The following CPAMD8 variants were observed in gnomAD, a reference collection of about 807,000 sequenced individuals.
The protein encoded by CPAMD8 is C3 and PZP like alpha-2-macroglobulin domain containing 8.
Under a neutral mutation model 224.7 loss-of-function variants are expected in CPAMD8, and 146 were observed. The ratio of observed to expected loss-of-function variants is 0.65; its 90% CI spans 0.57 to 0.75. CPAMD8 has a LOEUF of 0.75. CPAMD8 is among the 30% of genes least tolerant of loss of function. CPAMD8 has a pLI of 0.00. For synonymous variants in CPAMD8, 966 were observed against 1,044.6 expected (o/e 0.92, Z 1.45); for missense variants, 2,301 against 2,537.5 (o/e 0.91, Z 2.00).
At chr19:17,006,395 C>T (rs542770067) in intron 7 of CPAMD8, among the ~76,000 whole-genome samples, 15 of 152,126 alleles carry the variant, frequency 9.9e-5, no homozygotes, top group African/African-American at 1.7e-4. Context: ...TGGTGGCACG[C>T]GCCTGTGGTC....
chr19:17,023,187 G>A (rs2057002224), intron 1 of CPAMD8, among the ~76,000 whole-genome samples: 1 of 152,120 alleles, frequency 6.6e-6, no homozygotes, highest in Admixed American at 6.6e-5. Flanking sequence ...TGACTATGAA[G>A]TCACCTCTGG....
intron 12 of CPAMD8, among the ~76,000 whole-genome samples, chr19:16,991,620 C>T (rs148021514): frequency 1.8e-4 from 27 of 152,108 alleles, no homozygotes; most frequent in South Asian, 6.2e-4. Context: ...TTTGGGAGGC[C>T]GAGGCAGGTG....
At position 16,896,448 on chromosome 19, in the gene CPAMD8, G is replaced by T; in HGVS notation, c.5275+8C>A. On this transcript the variant is annotated splice_region_variant and intron_variant, in intron 40 of 41. Coordinates refer to ENST00000443236, the MANE Select transcript of CPAMD8 (RefSeq NM_015692.5). ...TCCCCGAGGCTAGGCGGGGGGTAGG[G>T]TCCTCACCGAGGGCGCAGCAGCTGG... The T allele has an allele frequency of 6.9e-7, 1 of 1,455,354 alleles. No homozygotes were observed. 90.2% of individuals were successfully genotyped at this position (1,455,354 alleles called of 1,614,324 possible). A position where few individuals can be genotyped will look rare whatever the true frequency, so the allele number is the denominator to read the frequency against.
At chr19:16,976,246 C>A (rs61382797) in intron 15 of CPAMD8, 95 bp from the exon 16 acceptor site, 4 of 992,608 alleles carry the variant, frequency 4.0e-6, no homozygotes, top group Non-Finnish European at 5.9e-6. Flanking sequence ...GAGGCCGAGG[C>A]GGGTGGATCA....
chr19:17,004,477 T>G, intron 7 of CPAMD8, 91 bp from the exon 8 acceptor site: 1 of 781,392 alleles, frequency 1.3e-6, no homozygotes, highest in Non-Finnish European at 2.2e-6. Context: ...CTCCTTCTCC[T>G]TCCCTGAGCA....
chr19:16,904,607 TC>T, intron 30 of CPAMD8, 55 bp from the exon 31 acceptor site: 1 of 1,228,740 alleles, frequency 8.1e-7, no homozygotes, highest in Non-Finnish European at 1.2e-6. Context: ...TAGCCTGGCA[TC>T]CCATGGAGCG....
At chr19:17,007,384 AAAG>A (rs1227796577) in intron 7 of CPAMD8, among the ~76,000 whole-genome samples, 5 of 151,628 alleles carry the variant, frequency 3.3e-5, no homozygotes, top group East Asian at 3.9e-4. Flanking sequence ...GAAGAAGAAG[AAAG>A]AAGAAGGAGG....
At chr19:16,904,674 T>G (rs914958498) in intron 30 of CPAMD8, 122 bp from the exon 31 acceptor site, 3 of 719,240 alleles carry the variant, frequency 4.2e-6, no homozygotes, top group Non-Finnish European at 7.5e-6. Flanking sequence ...GGGAGAAGAG[T>G]ATCAGGGGAA....
chr19:16,955,652 T>C (rs2054445972), intron 19 of CPAMD8, among the ~76,000 whole-genome samples: 1 of 152,198 alleles, frequency 6.6e-6, no homozygotes. Context: ...TATTTCACCA[T>C]AATTTTTTAA....
intron 18 of CPAMD8, among the ~76,000 whole-genome samples, chr19:16,959,685 C>T (rs1022960516): frequency 2.0e-5 from 3 of 151,750 alleles, no homozygotes; most frequent in African/African-American, 4.8e-5. Flanking sequence ...GGATTACAGG[C>T]GTCCACCACC....
intron 30 of CPAMD8, among the ~76,000 whole-genome samples, chr19:16,905,564 G>GAAAA (rs2052441461): frequency 3.2e-4 from 15 of 46,354 alleles, no homozygotes; most frequent in African/African-American, 5.1e-4. Context: ...AAAAAAGGAA[G>GAAAA]AAAAGAAAAA....
chr19:16,974,843 C>T (rs1300077790), intron 17 of CPAMD8, among the ~76,000 whole-genome samples: 1 of 151,992 alleles, frequency 6.6e-6, no homozygotes, highest in African/African-American at 2.4e-5. Flanking sequence ...GGTGTGGTGG[C>T]ATGCACCTGT....
chr19:16,969,345 G>A (rs1437033443), intron 18 of CPAMD8, among the ~76,000 whole-genome samples: 1 of 152,184 alleles, frequency 6.6e-6, no homozygotes, highest in Non-Finnish European at 1.5e-5. Context: ...AACTGGGAAG[G>A]AGTGTGACTG....
chr19:16,993,150 T>C (rs1046165759), intron 12 of CPAMD8, among the ~76,000 whole-genome samples: 1 of 152,166 alleles, frequency 6.6e-6, no homozygotes, highest in African/African-American at 2.4e-5. Context: ...CCTGGCTGAC[T>C]TCCCCATGGT....
chr19:16,945,776 C>T (rs2054053117), intron 21 of CPAMD8, 97 bp from the exon 22 acceptor site: 3 of 1,108,900 alleles, frequency 2.7e-6, no homozygotes, highest in Admixed American at 1.8e-5. Flanking sequence ...TGCATGCATG[C>T]ATGTGTGTGT....
chr19:16,904,351 C>T lies in CPAMD8; in HGVS notation c.4126G>A (p.Glu1376Lys), dbSNP rs369127501. 1.2e-5 allele frequency: 20 copies of T among 1,613,870 alleles called. No individual in the cohort carries two copies. Among genetic ancestry groups the T allele is most frequent in the Middle Eastern group, 1.6e-4 (1 of 6,084 alleles). The change falls in exon 32 of 42, where the codon GAG becomes AAG. Residue 1376 changes from glutamate to lysine, a missense_variant. Around this residue, in one of 4 missense-constraint regions of CPAMD8, gnomAD observed 1,709 missense variants for 1,753.2 expected, o/e 0.97. Coordinates refer to ENST00000443236, the MANE Select transcript of CPAMD8 (RefSeq NM_015692.5). ...DRVSQSVVSA[E>K]VEMTAYALLT... ...AGGGCGTAGGCTGTCATTTCCACCT[C>T]GGCCGAGACCACTGCAATGGAAGAG...
chr19:16,925,152 C>G (rs2053314495), intron 26 of CPAMD8, 44 bp downstream of exon 26: 1 of 1,603,460 alleles, frequency 6.2e-7, no homozygotes, highest in Admixed American at 1.7e-5. Context: ...GCTGAACCTG[C>G]CTCCCTTGCT....
chr19:16,991,621 G>A (rs1415014193), intron 12 of CPAMD8, among the ~76,000 whole-genome samples: 1 of 152,144 alleles, frequency 6.6e-6, no homozygotes, highest in Non-Finnish European at 1.5e-5. Flanking sequence ...TTGGGAGGCC[G>A]AGGCAGGTGG....
At chr19:17,007,622 A>C (rs190378381) in intron 7 of CPAMD8, among the ~76,000 whole-genome samples, 11 of 152,182 alleles carry the variant, frequency 7.2e-5, no homozygotes, top group Admixed American at 6.5e-4. Context: ...CTGTGGCTCT[A>C]CTGTTACCCC....
Sources: allele counts gnomAD v4.1 joint callset (sites outside exome capture counted in the v4.1 genomes callset), GRCh38; gene constraint gnomAD v4.1.1; regional missense constraint gnomAD v4.1.1; transcripts MANE v1.5; gene names NCBI Gene and HGNC (gene_info 2026-07-23, HGNC 2026-07-21).